CCDC138: variants seen among roughly 807,000 people sequenced by gnomAD.
CCDC138 encodes the protein coiled-coil domain-containing protein 138.
CCDC138 carries 66 observed loss-of-function variants against 82.3 expected under a neutral mutation model. The observed-to-expected ratio is 0.80, with a 90% CI of 0.66 to 0.98. The LOEUF (loss-of-function observed/expected upper bound fraction) is 0.98, where lower values mean the gene tolerates loss of function less well. Ranked by LOEUF, CCDC138 falls within the 50% of genes least tolerant of loss-of-function variation. The pLI is 0.00. For missense variants in CCDC138, 816 were observed against 758.9 expected, an observed-to-expected ratio of 1.08 and a Z score of -0.88; for synonymous variants, 297 against 265.4, an observed-to-expected ratio of 1.12 and a Z score of -1.16.
chr2:108,829,806 T>C (rs1246170420), intron 10 of CCDC138, among the ~76,000 whole-genome samples: 1 of 152,136 alleles, frequency 6.6e-6, no homozygotes, highest in Non-Finnish European at 1.5e-5. Flanking sequence ...TGTCAGAAAG[T>C]GGAATCCTTG....
chr2:108,832,057 T>G (rs1687778414), intron 10 of CCDC138, among the ~76,000 whole-genome samples: 3 of 150,252 alleles, frequency 2.0e-5, no homozygotes, highest in Admixed American at 6.6e-5. Context: ...TGAAATGGAG[T>G]CTCACTCTGT....
intron 10 of CCDC138, among the ~76,000 whole-genome samples, chr2:108,835,822 C>A (rs1688484007): frequency 6.6e-6 from 1 of 152,220 alleles, no homozygotes; most frequent in Admixed American, 6.5e-5. Context: ...ACTGCACAAT[C>A]TGTAAACAAC....
At chr2:108,846,693 T>C (rs778813243) in intron 11 of CCDC138, 45 bp from the exon 12 acceptor site, 1 of 1,526,776 alleles carries the variant, frequency 6.5e-7, no homozygotes, top group Non-Finnish European at 8.9e-7. Context: ...AAAGATATAT[T>C]CTGAACATGA....
At position 108,811,247 on chromosome 2, in the gene CCDC138, C is replaced by CTCTTTTTTTTTTTTTTTTTTTTTTTTTT. The variant is rs760937756; in HGVS notation, c.856-1383_856-1382insCTTTTTTTTTTTTTTTTTTTTTTTTTTT. 1.5e-3 allele frequency among the ~76,000 whole-genome samples: 175 copies of CTCTTTTTTTTTTTTTTTTTTTTTTTTTT among 113,772 alleles called. 4 individuals carry two copies. The highest frequency in any genetic ancestry group is 2.1e-3 in the Non-Finnish European group (128 of 60,006). The allele number at this position is 113,772 out of a possible 152,430, so 74.6% of individuals were successfully genotyped here. On this transcript the variant is annotated intron_variant, in intron 7 of 14. Coordinates refer to ENST00000295124, the MANE Select transcript of CCDC138 (RefSeq NM_144978.3). ...CTCCCTTTTCTTTCTTTCTCTCTCT[C>CTCTTTTTTTTTTTTTTTTTTTTTTTTTT]TTTTTTTTTTTTTTTGACTGTCTCC... is the stretch of plus-strand genomic sequence containing the variant.
intron 11 of CCDC138, among the ~76,000 whole-genome samples, chr2:108,844,765 T>TTTTTA (rs1690152784): frequency 6.7e-6 from 1 of 148,416 alleles, no homozygotes; most frequent in African/African-American, 2.5e-5. Context: ...TTTTTTTTTT[T>TTTTTA]GAGACAGAGT....
intron 10 of CCDC138, among the ~76,000 whole-genome samples, chr2:108,833,568 G>A (rs1688044797): frequency 6.6e-6 from 1 of 152,118 alleles, no homozygotes; most frequent in Admixed American, 6.6e-5. Context: ...CATGACAAAG[G>A]TCAGCAAACC....
At chr2:108,791,613 T>C in intron 3 of CCDC138, 62 bp from the exon 4 acceptor site, 2 of 1,551,474 alleles carry the variant, frequency 1.3e-6, no homozygotes, top group Non-Finnish European at 1.8e-6. Context: ...AAAAGCAGTT[T>C]TATCTTTTTA....
chr2:108,860,936 T>TTTTTTTG (rs1693488663), intron 13 of CCDC138, among the ~76,000 whole-genome samples: 1 of 66,350 alleles, frequency 1.5e-5, no homozygotes, highest in Non-Finnish European at 2.5e-5. Context: ...GGTCCAGGAC[T>TTTTTTTG]TTTTTTTTTT....
intron 13 of CCDC138, among the ~76,000 whole-genome samples, chr2:108,865,744 C>G (rs1398924822): frequency 1.3e-5 from 2 of 152,134 alleles, no homozygotes; most frequent in African/African-American, 2.4e-5. Flanking sequence ...ACACGGTACT[C>G]CCCTATCCAT....
At chr2:108,821,894 C>A (rs1205997757) in intron 10 of CCDC138, among the ~76,000 whole-genome samples, 2 of 147,020 alleles carry the variant, frequency 1.4e-5, no homozygotes, top group Admixed American at 6.9e-5. Context: ...TGCCACTGCG[C>A]TCCAGCATGG....
At chr2:108,861,777 G>A (rs1206231580) in intron 13 of CCDC138, among the ~76,000 whole-genome samples, 3 of 150,474 alleles carry the variant, frequency 2.0e-5, no homozygotes, top group African/African-American at 2.4e-5. Flanking sequence ...CACCGCGCCC[G>A]GCCTAAACCT....
intron 3 of CCDC138, among the ~76,000 whole-genome samples, chr2:108,789,967 G>T (rs1558960537): frequency 6.6e-6 from 1 of 152,206 alleles, no homozygotes; most frequent in Non-Finnish European, 1.5e-5. Flanking sequence ...AACATGAAAT[G>T]TTGAAATAAT....
intron 12 of CCDC138, among the ~76,000 whole-genome samples, chr2:108,853,363 A>G (rs1691854589): frequency 6.6e-6 from 1 of 152,196 alleles, no homozygotes; most frequent in Non-Finnish European, 1.5e-5. Flanking sequence ...TCATGAGCAT[A>G]GTACAATATT....
chr2:108,786,795 G>A lies in CCDC138; in HGVS notation c.-28G>A. On this transcript the variant is annotated 5_prime_UTR_variant, in exon 1 of 15. Transcript: ENST00000295124. ...CGCGGGTTTGATGAACGCGGTTCCCGGGGAGACTGGTACGGTTGCTGTGTG... is the reference window on the plus strand; with the variant it reads ...CGCGGGTTTGATGAACGCGGTTCCCAGGGAGACTGGTACGGTTGCTGTGTG... The A allele has an allele frequency of 6.4e-7, 1 of 1,564,514 alleles. No individual in the cohort carries two copies. The highest frequency in any genetic ancestry group is 2.3e-5 in the East Asian group (1 of 43,052).
intron 11 of CCDC138, among the ~76,000 whole-genome samples, chr2:108,844,128 C>T (rs929100296): frequency 6.6e-6 from 1 of 151,716 alleles, no homozygotes; most frequent in African/African-American, 2.4e-5. Context: ...CCCAAAGTGC[C>T]GGGAGTGCAA....
chr2:108,830,598 G>C (rs1687393008), intron 10 of CCDC138, among the ~76,000 whole-genome samples: 1 of 151,772 alleles, frequency 6.6e-6, no homozygotes, highest in Admixed American at 6.6e-5. Flanking sequence ...CCTGATGTCA[G>C]GAGTTCAAGT....
intron 3 of CCDC138, among the ~76,000 whole-genome samples, chr2:108,790,350 ATAATC>A (rs1355860611): frequency 2.6e-5 from 4 of 152,186 alleles, no homozygotes; most frequent in Admixed American, 6.5e-5. Context: ...ACTCTAAACT[ATAATC>A]TAAAGGTTTT....
chr2:108,797,271 G>A (rs1350045111), intron 5 of CCDC138, among the ~76,000 whole-genome samples: 3 of 152,182 alleles, frequency 2.0e-5, no homozygotes, highest in Admixed American at 2.0e-4. Flanking sequence ...AGAAGCCATG[G>A]CCAGAGAGAG....
chr2:108,861,472 C>CTT (rs201132350), intron 13 of CCDC138, among the ~76,000 whole-genome samples: 2,479 of 123,048 alleles, frequency 0.02, 557 homozygotes, highest in African/African-American at 0.082. Context: ...AACTTTCTTC[C>CTT]TTTTTTTTTT....
Sources: gnomAD v4.1 joint callset for allele counts (sites outside exome capture counted in the v4.1 genomes callset) on GRCh38, gnomAD v4.1.1 for gene constraint, MANE v1.5 for transcripts, NCBI Gene and HGNC (gene_info 2026-07-23, HGNC 2026-07-21) for gene names.